Variants in MORN1 observed in about 807,000 individuals in gnomAD.
The protein encoded by MORN1 is MORN repeat containing 1.
MORN1 carries 67 observed loss-of-function variants against 61.9 expected under a neutral mutation model. The ratio of observed to expected loss-of-function variants is 1.08; its 90% CI spans 0.89 to 1.33. The LOEUF (loss-of-function observed/expected upper bound fraction) is 1.33, where lower values mean the gene tolerates loss of function less well. Among genes scored for constraint, MORN1 ranks in the 40% most tolerant of loss-of-function variants. MORN1 has a pLI of 0.00. For synonymous variants in MORN1, 301 were observed against 292.0 expected, an observed-to-expected ratio of 1.03 and a Z score of -0.31; for missense variants, 752 against 691.2, an observed-to-expected ratio of 1.09 and a Z score of -0.99.
rs546832943 is a variant in MORN1 at position 2,335,385 on chromosome 1, C to A, written c.1250+1084G>T. ...CACACTCACGTCCGCTTCTGTTTGC[C>A]GGATGGGCAGAGGCAGAGGAGGTCT... is the stretch of plus-strand genomic sequence containing the variant. On this transcript the variant is annotated intron_variant, in intron 12 of 13. Coordinates refer to ENST00000378531, the MANE Select transcript of MORN1 (RefSeq NM_024848.3). 1.4e-4 allele frequency among the ~76,000 whole-genome samples: 21 copies of A among 152,310 alleles called. No individual in the cohort carries two copies. In the South Asian group the frequency reaches 3.9e-3, roughly 29 times the overall value.
intron 13 of MORN1, chr1:2,323,071 GCA>G (rs1640919607): frequency 4.1e-6 from 4 of 985,420 alleles, no homozygotes; most frequent in Non-Finnish European, 4.8e-6. Context: ...GAGCGGCTGC[GCA>G]CAGGTGCCAG....
chr1:2,351,742 T>C (rs930687862), intron 10 of MORN1: 6 of 546,118 alleles, frequency 1.1e-5, no homozygotes, highest in Non-Finnish European at 2.2e-5. Context: ...CAGGGGATCA[T>C]ATTCATATGC....
rs1302221512 is a variant in MORN1 at position 2,337,510 on chromosome 1, C to T, written c.1037-660G>A. On this transcript the variant is annotated intron_variant, in intron 10 of 13. Coordinates refer to ENST00000378531, the MANE Select transcript of MORN1 (RefSeq NM_024848.3). The surrounding 1 kb of genome is among the most constrained non-coding windows in gnomAD (Gnocchi z 5.7). ...GCCCCTCTCCCGGGGTCCCAGGGTG[C>T]GAGGTATGGGGGCTCCCCTCTGGCT... Among the ~76,000 whole-genome samples, 6 of 152,278 alleles carry T rather than the reference C, an allele frequency of 3.9e-5. No homozygotes were observed. Among genetic ancestry groups the T allele is most frequent in the East Asian group, 1.9e-4 (1 of 5,182 alleles).
At chr1:2,381,095 C>T (rs1334533323) in intron 6 of MORN1, among the ~76,000 whole-genome samples, 2 of 152,222 alleles carry the variant, frequency 1.3e-5, no homozygotes, top group Admixed American at 6.5e-5. Flanking sequence ...AAGAGAGCCT[C>T]GCTTCTCCTC....
At chr1:2,323,938 C>T (rs1640939352) in intron 13 of MORN1, 159 bp downstream of exon 13, 1 of 984,900 alleles carries the variant, frequency 1.0e-6, no homozygotes, top group Non-Finnish European at 1.2e-6. Context: ...ATTCAGGTCC[C>T]TGGGAGGGCC....
At chr1:2,327,599 G>A (rs1641063850) in intron 12 of MORN1, among the ~76,000 whole-genome samples, 1 of 152,354 alleles carries the variant, frequency 6.6e-6, no homozygotes, top group Non-Finnish European at 1.5e-5. Flanking sequence ...AGGCTCCATC[G>A]CTGTCACCAG....
rs533119357 is a variant in MORN1, at chr1:2,380,947, C to T, written c.537+4031G>A. Among the ~76,000 whole-genome samples the T allele has an allele frequency of 1.1e-4, 16 of 152,328 alleles. No individual in the cohort carries two copies. In the East Asian group the frequency reaches 1.7e-3, roughly 17 times the overall value. On this transcript the variant is annotated intron_variant, in intron 6 of 13. Coordinates refer to ENST00000378531, the MANE Select transcript of MORN1 (RefSeq NM_024848.3). ...CACTCTGGACAGCTCTCGGGATGTG[C>T]GGCCTGACCCCCGTCTCTGGCGGCT...
chr1:2,344,107 G>A (rs1322808907), intron 10 of MORN1, among the ~76,000 whole-genome samples: 1 of 152,198 alleles, frequency 6.6e-6, no homozygotes, highest in African/African-American at 2.4e-5. Context: ...AGACCCACCA[G>A]AATCAGGCCA....
intron 12 of MORN1, chr1:2,332,455 C>T (rs1028138275): frequency 5.6e-5 from 21 of 372,872 alleles, no homozygotes; most frequent in Non-Finnish European, 1.0e-4. Flanking sequence ...CGACCCCTGG[C>T]CCCGGACTCA....
chr1:2,322,104 G>C (rs1389872567), intron 13 of MORN1: 3 of 985,320 alleles, frequency 3.0e-6, no homozygotes, highest in Non-Finnish European at 3.6e-6. Flanking sequence ...GGGCTCTCCG[G>C]GTGGGGCTGG....
intron 6 of MORN1, among the ~76,000 whole-genome samples, chr1:2,383,426 G>T (rs374305892): frequency 2.0e-5 from 3 of 152,288 alleles, no homozygotes; most frequent in Admixed American, 6.5e-5. Flanking sequence ...CTCTGTGGAG[G>T]TCTGAGTCTC....
chr1:2,327,349 CAAACACAG>C (rs1641055331), intron 12 of MORN1, among the ~76,000 whole-genome samples: 1 of 151,548 alleles, frequency 6.6e-6, no homozygotes, highest in Non-Finnish European at 1.5e-5. Flanking sequence ...CAGACAGAAA[CAAACACAG>C]AAACACAGAG....
At chr1:2,322,974 T>G in intron 13 of MORN1, 1 of 985,446 alleles carries the variant, frequency 1.0e-6, no homozygotes, top group Non-Finnish European at 1.2e-6. Context: ...CATACGTACA[T>G]GGCTTAGCCC....
rs1014257640 is a variant in MORN1, at chr1:2,322,465, C to T, written c.1298-886G>A. 4.2e-5 allele frequency: 41 copies of T among 985,314 alleles called. No individual in the cohort carries two copies. The East Asian group carries it at 2.4e-3, about 57-fold the overall frequency. 61.0% of individuals were successfully genotyped at this position (985,314 alleles called of 1,614,324 possible). A position where few individuals can be genotyped will look rare whatever the true frequency, so the allele number is the denominator to read the frequency against. On this transcript the variant is annotated intron_variant, in intron 13 of 13. Coordinates refer to ENST00000378531, the MANE Select transcript of MORN1 (RefSeq NM_024848.3). ...AGCGGCGGCCTCCTCGGCCAGGCCA[C>T]GGGCTCGGCCGCCTGTGCGTTCCCA...
chr1:2,379,444 G>A (rs1340847286), intron 6 of MORN1, among the ~76,000 whole-genome samples: 1 of 152,320 alleles, frequency 6.6e-6, no homozygotes, highest in Middle Eastern at 3.4e-3. Flanking sequence ...CTACCTCGTG[G>A]CCCTGATCGA....
intron 12 of MORN1, among the ~76,000 whole-genome samples, chr1:2,335,921 C>T (rs2100253099): frequency 6.6e-6 from 1 of 151,248 alleles, no homozygotes; most frequent in South Asian, 2.1e-4. Context: ...AGCCCCGAGC[C>T]CCAGCTTCCT....
intron 6 of MORN1, chr1:2,378,813 G>C (rs1016178328): frequency 2.4e-6 from 1 of 416,666 alleles, no homozygotes; most frequent in Non-Finnish European, 4.8e-6. Context: ...TGTAAACTAG[G>C]AGTGTGGGGG....
intron 6 of MORN1, among the ~76,000 whole-genome samples, chr1:2,381,814 C>T (rs936517390): frequency 6.6e-6 from 1 of 152,222 alleles, no homozygotes; most frequent in Non-Finnish European, 1.5e-5. Flanking sequence ...GGCCATCCTC[C>T]CCCGTCCAAA....
intron 12 of MORN1, among the ~76,000 whole-genome samples, chr1:2,325,254 C>CCT (rs369418850): frequency 6.5e-5 from 8 of 122,676 alleles, no homozygotes; most frequent in East Asian, 2.8e-4. Context: ...CTCTCTCTCT[C>CCT]CTCTCTCTCT....
Sources: allele counts gnomAD v4.1 joint callset (sites outside exome capture counted in the v4.1 genomes callset), GRCh38; gene constraint gnomAD v4.1.1; non-coding constraint Gnocchi (gnomAD v3.1); transcripts MANE v1.5; gene names NCBI Gene and HGNC (gene_info 2026-07-23, HGNC 2026-07-21).